Variants in RAPGEF6 observed in about 807,000 individuals in gnomAD.
RAPGEF6 encodes PDZ domain containing guanine nucleotide exchange factor (GEF) 2.
RAPGEF6 carries 56 observed loss-of-function variants against 171.4 expected under a neutral mutation model. That is an observed-to-expected ratio of 0.33 (90% CI 0.26 to 0.41). RAPGEF6 has a LOEUF of 0.41. Among genes scored for constraint, RAPGEF6 ranks in the 10% least tolerant of loss-of-function variants. The pLI, the probability that RAPGEF6 is intolerant of heterozygous loss-of-function variation, is 1.00. For synonymous variants in RAPGEF6, 692 were observed against 650.1 expected (o/e 1.06, Z -0.98); for missense variants, 1,674 against 1,921.4 (o/e 0.87, Z 2.41).
intron 4 of RAPGEF6, among the ~76,000 whole-genome samples, chr5:131,579,960 C>A (rs1489626705): frequency 2.6e-5 from 4 of 152,264 alleles, no homozygotes; most frequent in Non-Finnish European, 5.9e-5. Context: ...ACTCAGGAGC[C>A]CAGCTGGCTT....
At chr5:131,429,249 T>A in intron 26 of RAPGEF6, 33 bp from the exon 27 acceptor site, 1 of 1,457,854 alleles carries the variant, frequency 6.9e-7, no homozygotes, top group South Asian at 1.4e-5. Flanking sequence ...AAAATGTTAA[T>A]GAAAAAGAAA....
chr5:131,606,179 A>C (rs187479508), intron 1 of RAPGEF6, among the ~76,000 whole-genome samples: 1 of 152,086 alleles, frequency 6.6e-6, no homozygotes, highest in Admixed American at 6.5e-5. Context: ...CCTGGGCAAC[A>C]TGGTGAAACT....
intron 6 of RAPGEF6, among the ~76,000 whole-genome samples, chr5:131,525,627 A>C (rs1561535708): frequency 1.3e-5 from 2 of 150,804 alleles, no homozygotes; most frequent in Admixed American, 6.7e-5. Context: ...CAGTTCAAAG[A>C]CCTTCCTCCC....
chr5:131,460,214 T>C (rs1753819039), intron 19 of RAPGEF6, among the ~76,000 whole-genome samples: 1 of 152,192 alleles, frequency 6.6e-6, no homozygotes, highest in Non-Finnish European at 1.5e-5. Flanking sequence ...CTCCCTTCTT[T>C]GGGCTACTGT....
intron 6 of RAPGEF6, among the ~76,000 whole-genome samples, chr5:131,543,190 C>T (rs138809039): frequency 4.9e-4 from 75 of 152,094 alleles, no homozygotes; most frequent in African/African-American, 1.8e-3. Flanking sequence ...ACTTACAACT[C>T]ACAGAAGCAA....
intron 4 of RAPGEF6, among the ~76,000 whole-genome samples, chr5:131,572,653 A>C (rs1762374275): frequency 6.6e-6 from 1 of 152,082 alleles, no homozygotes; most frequent in Admixed American, 6.6e-5. Context: ...GCCTACTGGA[A>C]GCCTGGTAGC....
rs575081825 is a variant in RAPGEF6, at chr5:131,602,717, T to C, written c.197+554A>G. 3.4e-4 allele frequency among the ~76,000 whole-genome samples: 51 copies of C among 152,184 alleles called. No individual in the cohort carries two copies. The East Asian group carries it at 7.9e-3, about 24-fold the overall frequency. ...CGGAAGTTGCAGTGAGCCAAGATTA[T>C]GCCATTGCACTCCAGCCTGGGCGAC... On this transcript the variant is annotated intron_variant, in intron 3 of 27. Transcript: ENST00000509018.
chr5:131,597,892 G>A (rs1241387800), intron 3 of RAPGEF6, among the ~76,000 whole-genome samples: 1 of 152,114 alleles, frequency 6.6e-6, no homozygotes, highest in Non-Finnish European at 1.5e-5. Flanking sequence ...ATGATTAAAT[G>A]TATGAGGTGA....
intron 1 of RAPGEF6, among the ~76,000 whole-genome samples, chr5:131,626,011 A>G (rs1350405410): frequency 1.3e-5 from 2 of 152,210 alleles, no homozygotes; most frequent in Admixed American, 1.3e-4. Flanking sequence ...AGTAGTCTTT[A>G]TAAAACTGAT....
chr5:131,583,588 T>TGC (rs1488848451), intron 4 of RAPGEF6, among the ~76,000 whole-genome samples: 1 of 152,214 alleles, frequency 6.6e-6, no homozygotes, highest in Non-Finnish European at 1.5e-5. Context: ...TATAACCCCC[T>TGC]GCTTCAAGAC....
At chr5:131,578,996 T>C (rs1762767282) in intron 4 of RAPGEF6, among the ~76,000 whole-genome samples, 1 of 152,060 alleles carries the variant, frequency 6.6e-6, no homozygotes, top group Non-Finnish European at 1.5e-5. Context: ...TCGTAGTGAG[T>C]GTTACAGTTC....
chr5:131,532,521 C>T lies in RAPGEF6; in HGVS notation c.496-11000G>A, dbSNP rs539052595. ...GCACCAAATCTGTGTTCCTGGATTC[C>T]GTGAAACCTTTCCTCTCTGTAATAT... On this transcript the variant is annotated intron_variant, in intron 6 of 27. Coordinates refer to ENST00000509018, the MANE Select transcript of RAPGEF6 (RefSeq NM_016340.6). Among the ~76,000 whole-genome samples the T allele has an allele frequency of 5.3e-5, 8 of 152,244 alleles. 1 individual carries two copies. The East Asian group carries it at 5.8e-4, about 11-fold the overall frequency.
At chr5:131,430,049 CAAAAAAAA>C (rs200813208) in intron 26 of RAPGEF6, among the ~76,000 whole-genome samples, 1 of 86,340 alleles carries the variant, frequency 1.2e-5, no homozygotes. Flanking sequence ...GAGTCCATCT[CAAAAAAAA>C]AAAAAAAAGT....
intron 15 of RAPGEF6, among the ~76,000 whole-genome samples, chr5:131,483,256 G>A (rs1755615603): frequency 6.7e-6 from 1 of 150,374 alleles, no homozygotes; most frequent in South Asian, 2.1e-4. Flanking sequence ...GGCTGAGACA[G>A]TAGAATCGCT....
At chr5:131,485,539 T>C (rs535562765) in intron 15 of RAPGEF6, among the ~76,000 whole-genome samples, 4 of 152,208 alleles carry the variant, frequency 2.6e-5, no homozygotes, top group Non-Finnish European at 5.9e-5. Context: ...TTCTCCTGGA[T>C]CTCTGTCTGT....
intron 17 of RAPGEF6, among the ~76,000 whole-genome samples, chr5:131,468,613 T>G (rs1242976296): frequency 6.7e-6 from 1 of 149,566 alleles, no homozygotes; most frequent in African/African-American, 2.4e-5. Flanking sequence ...TCATTCTGCT[T>G]TAAATTGTTA....
chr5:131,446,288 T>C lies in RAPGEF6; in HGVS notation c.3421+195A>G, dbSNP rs566566909. ...TTTTAAAGATCTACTTATCCCTCTA[T>C]TTTTTGGATAGTGTAGCCATCAGGA... On this transcript the variant is annotated intron_variant, in intron 22 of 27. Transcript: ENST00000509018. 3.9e-5 allele frequency among the ~76,000 whole-genome samples: 5 copies of C among 127,546 alleles called. No individual in the cohort carries two copies. The East Asian group carries it at 9.6e-4, about 25-fold the overall frequency. The allele number at this position is 127,546 out of a possible 152,430, so 83.7% of individuals were successfully genotyped here.
intron 6 of RAPGEF6, among the ~76,000 whole-genome samples, chr5:131,528,784 G>A (rs1428207542): frequency 6.6e-6 from 1 of 152,110 alleles, no homozygotes; most frequent in Non-Finnish European, 1.5e-5. Flanking sequence ...TGTAGTAGGA[G>A]ATAAGTGGAG....
chr5:131,521,546 ATTC>A (rs1758480033), intron 6 of RAPGEF6, 25 bp from the exon 7 acceptor site: 7 of 1,587,076 alleles, frequency 4.4e-6, no homozygotes, highest in Non-Finnish European at 6.0e-6. Context: ...AATTTAAGTT[ATTC>A]TAAATGTCAA....
Sources: gnomAD v4.1 joint callset for allele counts (sites outside exome capture counted in the v4.1 genomes callset) on GRCh38, gnomAD v4.1.1 for gene constraint, MANE v1.5 for transcripts, NCBI Gene and HGNC (gene_info 2026-07-23, HGNC 2026-07-21) for gene names.